SMC2: variants seen among roughly 807,000 people sequenced by gnomAD.
The protein encoded by SMC2 is structural maintenance of chromosomes protein 2.
In SMC2, 41 loss-of-function variants were observed where a neutral mutation model predicts 142.6. The ratio of observed to expected loss-of-function variants is 0.29; its 90% confidence interval spans 0.22 to 0.37. The LOEUF is 0.37. Ranked by LOEUF, SMC2 falls within the 10% of genes least tolerant of loss-of-function variation. The pLI, the probability that SMC2 is intolerant of heterozygous loss-of-function variation, is 1.00. For synonymous variants in SMC2, 463 were observed against 457.5 expected, an observed-to-expected ratio of 1.01 and a Z score of -0.15; for missense variants, 1,265 against 1,373.7, an observed-to-expected ratio of 0.92 and a Z score of 1.25.
intron 20 of SMC2, among the ~76,000 whole-genome samples, chr9:104,129,166 A>G (rs1368999359): frequency 2.0e-5 from 3 of 152,148 alleles, no homozygotes; most frequent in Admixed American, 2.0e-4. Context: ...TGTTCCAGGT[A>G]AAAATATTCA....
intron 19 of SMC2, 107 bp downstream of exon 19, chr9:104,126,891 A>G (rs1232007377): frequency 9.2e-7 from 1 of 1,091,276 alleles, no homozygotes; most frequent in Non-Finnish European, 1.3e-6. Context: ...ACTCGTCATC[A>G]TGAGAGAATG....
At chr9:104,089,692 T>G (rs1021607792), upstream of SMC2, among the ~76,000 whole-genome samples, 5 of 152,126 alleles carry the variant, frequency 3.3e-5, no homozygotes, top group Admixed American at 2.6e-4. Context: ...GTCACCAGGC[T>G]GGAGTGCAGT....
At chr9:104,120,261 C>G in intron 16 of SMC2, 99 bp downstream of exon 16, 2 of 1,147,490 alleles carry the variant, frequency 1.7e-6, no homozygotes, top group South Asian at 3.5e-5. Flanking sequence ...TGACTTTTCT[C>G]ATATTTTTGG....
upstream of SMC2, chr9:104,094,282 T>C: frequency 2.5e-6 from 1 of 398,472 alleles, no homozygotes; most frequent in Non-Finnish European, 4.4e-6. Context: ...GCAATGGAGG[T>C]GGGGTCCTTT....
chr9:104,111,463 T>C, intron 9 of SMC2, 118 bp from the exon 10 acceptor site: 3 of 610,918 alleles, frequency 4.9e-6, no homozygotes, highest in Admixed American at 6.5e-5. Flanking sequence ...ATGGTTAAAT[T>C]ATTTTATTAT....
intron 22 of SMC2, among the ~76,000 whole-genome samples, chr9:104,133,120 G>A (rs1020409914): frequency 7.3e-5 from 11 of 151,716 alleles, no homozygotes; most frequent in African/African-American, 2.7e-4. Flanking sequence ...AGTATTCTAG[G>A]CTTTTTTTGT....
chr9:104,115,139 A>G (rs1832939381), intron 13 of SMC2, among the ~76,000 whole-genome samples: 1 of 152,156 alleles, frequency 6.6e-6, no homozygotes, highest in Non-Finnish European at 1.5e-5. Context: ...CATCAAGGTA[A>G]CATTGAATTT....
In SMC2 at chr9:104,126,804, T is replaced by C; in HGVS notation, c.2595+20T>C. On this transcript the variant is annotated intron_variant, in intron 19 of 24. Transcript: ENST00000374793. The stretch of plus-strand genomic sequence containing the variant: ...AATAAGGTAGGATTTATTTATCAAA[T>C]TCGAGAAATTGAAAATGCGAATCTT... 6.3e-7 allele frequency: 1 copy of C among 1,578,712 alleles called. No homozygotes were observed. Among genetic ancestry groups the C allele is most frequent in the Non-Finnish European group, 8.6e-7 (1 of 1,166,536 alleles).
chr9:104,104,522 A>G (rs1831529551), intron 9 of SMC2, among the ~76,000 whole-genome samples: 1 of 151,842 alleles, frequency 6.6e-6, no homozygotes, highest in African/African-American at 2.4e-5. Context: ...CATTGAGATT[A>G]TGTTTTAGGG....
chr9:104,136,298 C>G (rs1469256048), intron 23 of SMC2, among the ~76,000 whole-genome samples: 2 of 151,814 alleles, frequency 1.3e-5, no homozygotes, highest in Admixed American at 6.6e-5. Flanking sequence ...TTATGACCCC[C>G]TTTATCATTT....
intron 9 of SMC2, among the ~76,000 whole-genome samples, chr9:104,105,865 A>G (rs1162555604): frequency 6.6e-6 from 1 of 152,200 alleles, no homozygotes; most frequent in Non-Finnish European, 1.5e-5. Flanking sequence ...CGCCATGGCC[A>G]CAGCTTGGGA....
chr9:104,126,269 T>C lies in SMC2; in HGVS notation c.2452-372T>C, dbSNP rs1834264995. 2.6e-5 allele frequency among the ~76,000 whole-genome samples: 4 copies of C among 152,158 alleles called. No homozygotes were observed. In the South Asian group the frequency reaches 8.3e-4, roughly 32 times the overall value. On this transcript the variant is annotated intron_variant, in intron 18 of 24. Coordinates refer to ENST00000374793, the MANE Select transcript of SMC2 (RefSeq NM_006444.3). Reference sequence around the variant, plus strand: ...TGCTCTTCTAATGAACTGAAGGCTATAGTGGGAAAGAAGAATATTGAGAAA... The same window carrying C: ...TGCTCTTCTAATGAACTGAAGGCTACAGTGGGAAAGAAGAATATTGAGAAA...
intron 21 of SMC2, among the ~76,000 whole-genome samples, chr9:104,130,927 T>C (rs1834893666): frequency 6.6e-6 from 1 of 152,000 alleles, no homozygotes; most frequent in South Asian, 2.1e-4. Flanking sequence ...TTTTTTCTTG[T>C]GTTTTGTATC....
chr9:104,111,958 C>T, intron 10 of SMC2, 144 bp downstream of exon 10: 1 of 610,966 alleles, frequency 1.6e-6, no homozygotes, highest in Non-Finnish European at 2.8e-6. Context: ...AACTCTAATG[C>T]CTAATGCAGC....
At chr9:104,127,694 A>AT (rs1418418177) in intron 20 of SMC2, among the ~76,000 whole-genome samples, 3 of 152,098 alleles carry the variant, frequency 2.0e-5, no homozygotes, top group Non-Finnish European at 4.4e-5. Context: ...AACTTTAGAT[A>AT]TTTTTTCCCA....
intron 7 of SMC2, 54 bp from the exon 8 acceptor site, chr9:104,101,906 A>ATTT: frequency 9.2e-7 from 1 of 1,086,652 alleles, no homozygotes; most frequent in South Asian, 1.5e-5. Flanking sequence ...GCATAATTGA[A>ATTT]TTTTTTTTTT....
In SMC2 at chr9:104,124,976, A is replaced by G; in HGVS notation, c.2322A>G (p.Glu774=). 1 of 1,600,960 alleles carries G rather than the reference A, an allele frequency of 6.2e-7. No individual in the cohort carries two copies. Among genetic ancestry groups the G allele is most frequent in the African/African-American group, 1.4e-5 (1 of 73,760 alleles). ...AAAGAAAAGCAGAAGAAAAATATGA[A>G]GTATTGGAAAATAAAATGAAAAATG... ...EIQRKAEEKY[E]VLENKMKNAE... Residue 774 remains glutamate (E), a synonymous_variant, in exon 18 of 25, where the codon GAA becomes GAG. Transcript: ENST00000374793.
chr9:104,123,034 A>G, intron 16 of SMC2, 74 bp from the exon 17 acceptor site: 1 of 1,456,202 alleles, frequency 6.9e-7, no homozygotes, highest in Non-Finnish European at 9.4e-7. Context: ...TAAGGTAAGA[A>G]TCTGAAGTTT....
intron 18 of SMC2, among the ~76,000 whole-genome samples, chr9:104,125,874 A>AT (rs553488194): frequency 1.0e-4 from 15 of 150,540 alleles, no homozygotes; most frequent in African/African-American, 2.5e-4. Flanking sequence ...TTTCCCTCGC[A>AT]TTTTTTTTTA....
Sources: allele counts gnomAD v4.1 joint callset (sites outside exome capture counted in the v4.1 genomes callset), GRCh38; gene constraint gnomAD v4.1.1; transcripts MANE v1.5; gene names NCBI Gene and HGNC (gene_info 2026-07-23, HGNC 2026-07-21).